Variants in HRCT1 observed in about 807,000 individuals in gnomAD.
HRCT1 encodes histidine-rich carboxyl terminus protein 1.
For missense variants in HRCT1, 185 were observed against 161.3 expected (o/e 1.15, Z -0.80); for synonymous variants, 76 against 69.0 (o/e 1.10, Z -0.50).
Position 35,906,608 on chromosome 9 carries a change from C to CACCCCT in HRCT1, c.321_322insACCCCT (p.His107_Arg108insThrPro), listed in dbSNP as rs1833105392. The CACCCCT allele has an allele frequency of 4.7e-6, 7 of 1,504,138 alleles. No individual in the cohort carries two copies. The highest frequency in any genetic ancestry group is 4.5e-6 in the Non-Finnish European group (5 of 1,121,370). The allele number at this position is 1,504,138 out of a possible 1,614,324, so 93.2% of individuals were successfully genotyped here. A position where few individuals can be genotyped will look rare whatever the true frequency, so the allele number is the denominator to read the frequency against. ...ACCTCCACCACCACCACCACCCCCA[C>CACCCCT]CGCCACCATCCCCGCCACGCTCGCT... On this transcript the variant is annotated inframe_insertion, in exon 1 of 1. Transcript: ENST00000354323.
rs79156963 is a variant in HRCT1, at chr9:35,906,586, TCCACCACCA to T, written c.308_316del (p.His103_His105del). 55 of 1,189,888 alleles carry T rather than the reference TCCACCACCA, an allele frequency of 4.6e-5. 1 individual carries two copies. Among genetic ancestry groups the T allele is most frequent in the Non-Finnish European group, 5.4e-5 (48 of 887,772 alleles). 73.7% of individuals were successfully genotyped at this position (1,189,888 alleles called of 1,614,324 possible). On this transcript the variant is annotated inframe_deletion, in exon 1 of 1. Coordinates refer to ENST00000354323, the MANE Select transcript of HRCT1 (RefSeq NM_001039792.2). ...CACCCCCGCCACACCCCTCACCACCTCCACCACCACCACCACCCCCACCGCCACCATCCC... is the reference window on the plus strand; with the variant it reads ...CACCCCCGCCACACCCCTCACCACCTCCACCACCCCCACCGCCACCATCCC...
At chr9:35,906,604 C>CCACCACCCCCACCG in the HRCT1 span, 2 of 1,154,920 alleles carry the variant, frequency 1.7e-6, no homozygotes, top group South Asian at 2.9e-5. Flanking sequence ...CACCACCACC[C>CCACCACCCCCACCG]CCACCGCCAC....
Position 35,906,598 on chromosome 9 carries a change from A to ACCACCCCCACCACCACCGCCACCC in HRCT1, c.322_323insACCACCGCCACCCCCACCCCCACC (p.His107_Arg108insHisHisArgHisProHisProHis). ...ACCCCTCACCACCTCCACCACCACC[A>ACCACCCCCACCACCACCGCCACCC]CCACCCCCACCGCCACCATCCCCGC... On this transcript the variant is annotated inframe_insertion, in exon 1 of 1. Coordinates refer to ENST00000354323, the MANE Select transcript of HRCT1 (RefSeq NM_001039792.2). 3 of 1,194,688 alleles carry ACCACCCCCACCACCACCGCCACCC rather than the reference A, an allele frequency of 2.5e-6. No homozygotes were observed. The highest frequency in any genetic ancestry group is 2.8e-5 in the South Asian group (2 of 70,618). 74.0% of individuals were successfully genotyped at this position (1,194,688 alleles called of 1,614,324 possible).
chr9:35,906,601 ACCC>A lies in HRCT1; in HGVS notation c.317_319del (p.Pro106del), dbSNP rs565823201. 4.9e-3 allele frequency: 5,272 copies of A among 1,074,856 alleles called. 55 individuals are homozygous for A. The highest frequency in any genetic ancestry group is 0.019 in the South Asian group (1,198 of 62,726). The allele number at this position is 1,074,856 out of a possible 1,614,324, so 66.6% of individuals were successfully genotyped here. ...CCTCACCACCTCCACCACCACCACC[ACCC>A]CCACCGCCACCATCCCCGCCACGCT... On this transcript the variant is annotated inframe_deletion, in exon 1 of 1. Transcript: ENST00000354323.
chr9:35,906,595 A>ACCACCCCCACCACCACCC lies in HRCT1; in HGVS notation c.313_314insCCCACCACCACCCCCACC (p.His104_His105insProHisHisHisProHis). 1 of 1,198,304 alleles carries ACCACCCCCACCACCACCC rather than the reference A, an allele frequency of 8.3e-7. No homozygotes were observed. The highest frequency in any genetic ancestry group is 1.1e-6 in the Non-Finnish European group (1 of 907,110). The allele number at this position is 1,198,304 out of a possible 1,614,324, so 74.2% of individuals were successfully genotyped here. On this transcript the variant is annotated inframe_insertion, in exon 1 of 1. Coordinates refer to ENST00000354323, the MANE Select transcript of HRCT1 (RefSeq NM_001039792.2). ...CACACCCCTCACCACCTCCACCACCACCACCACCCCCACCGCCACCATCCC... is the reference window on the plus strand; with the variant it reads ...CACACCCCTCACCACCTCCACCACCACCACCCCCACCACCACCCCCACCACCCCCACCGCCACCATCCC...
rs779067524 is a variant in HRCT1 at position 35,906,425 on chromosome 9, A to T, written c.138A>T (p.Thr46=). The part of the protein sequence containing the change: ...RQDCDVERNR[T]AAGGNRVRRA... ...ACTGTGACGTGGAGAGGAACCGTAC[A>T]GCTGCAGGGGGAAACCGAGTCCGCC... is the stretch of plus-strand genomic sequence containing the variant. Residue 46 remains threonine (T), a synonymous_variant, in exon 1 of 1, where the codon ACA becomes ACT. Transcript: ENST00000354323. The T allele has an allele frequency of 1.9e-6, 3 of 1,613,038 alleles. No individual in the cohort carries two copies. The highest frequency in any genetic ancestry group is 2.5e-6 in the Non-Finnish European group (3 of 1,179,986).
In HRCT1 at chr9:35,906,325, G is replaced by T; in HGVS notation, c.38G>T (p.Trp13Leu). ...GLLGSTALVG[W>L]ITGAAVAVLL... ...CTGGGGAGCACAGCCCTCGTGGGAT[G>T]GATCACAGGTGCTGCTGTGGCGGTC... Residue 13 changes from tryptophan to leucine, a missense_variant, in exon 1 of 1, where the codon TGG becomes TTG. By Grantham distance (61) the Trp-to-Leu change is moderately conservative. Coordinates refer to ENST00000354323, the MANE Select transcript of HRCT1 (RefSeq NM_001039792.2). 1 of 1,611,510 alleles carries T rather than the reference G, an allele frequency of 6.2e-7. No homozygotes were observed. Among genetic ancestry groups the T allele is most frequent in the Non-Finnish European group, 8.5e-7 (1 of 1,179,346 alleles).
Position 35,906,586 on chromosome 9 carries a change from T to TCCACCACCACCACCACCACCA in HRCT1, c.316_317insACCACCACCACCACCACCACC (p.His105_Pro106insHisHisHisHisHisHisHis), listed in dbSNP as rs79156963. 220 of 1,189,944 alleles carry TCCACCACCACCACCACCACCA rather than the reference T, an allele frequency of 1.8e-4. 1 individual carries two copies. In the South Asian group the frequency reaches 2.3e-3, roughly 12 times the overall value. 73.7% of individuals were successfully genotyped at this position (1,189,944 alleles called of 1,614,324 possible). A position where few individuals can be genotyped will look rare whatever the true frequency, so the allele number is the denominator to read the frequency against. ...CACCCCCGCCACACCCCTCACCACC[T>TCCACCACCACCACCACCACCA]CCACCACCACCACCACCCCCACCGC... is the stretch of plus-strand genomic sequence containing the variant. On this transcript the variant is annotated inframe_insertion, in exon 1 of 1. Transcript: ENST00000354323.
rs1554690924 is a variant in HRCT1 at position 35,906,604 on chromosome 9, C to CCCACCG, written c.323_328dup (p.Arg108_His109dup). 2.8e-5 allele frequency: 32 copies of CCCACCG among 1,157,698 alleles called. No homozygotes were observed. The highest frequency in any genetic ancestry group is 3.0e-4 in the Middle Eastern group (1 of 3,310). 71.7% of individuals were successfully genotyped at this position (1,157,698 alleles called of 1,614,324 possible). ...CACCACCTCCACCACCACCACCACC[C>CCCACCG]CCACCGCCACCATCCCCGCCACGCT... On this transcript the variant is annotated inframe_insertion, in exon 1 of 1. Transcript: ENST00000354323.
Position 35,907,000 on chromosome 9 carries a change from C to G in HRCT1, c.*365C>G. 1.6e-5 allele frequency: 5 copies of G among 320,132 alleles called. No homozygotes were observed. The highest frequency in any genetic ancestry group is 2.5e-5 in the Non-Finnish European group (4 of 162,098). 19.8% of individuals were successfully genotyped at this position (320,132 alleles called of 1,614,324 possible). ...GAAGTGCCCGTCTTGACCTCCTCAT[C>G]AGGCTGCTGCAGGCCTCTGGCGGGC... On this transcript the variant is annotated 3_prime_UTR_variant, in exon 1 of 1. Coordinates refer to ENST00000354323, the MANE Select transcript of HRCT1 (RefSeq NM_001039792.2).
Position 35,906,693 on chromosome 9 carries a change from A to C in HRCT1, c.*58A>C. 7.2e-7 allele frequency: 1 copy of C among 1,390,806 alleles called. No individual in the cohort carries two copies. The highest frequency in any genetic ancestry group is 9.6e-7 in the Non-Finnish European group (1 of 1,041,458). 86.2% of individuals were successfully genotyped at this position (1,390,806 alleles called of 1,614,324 possible). A position where few individuals can be genotyped will look rare whatever the true frequency, so the allele number is the denominator to read the frequency against. ...TGCCCCTGCCCTCCCATCTGTTCCC[A>C]GGACAAGTGGACCCCATGTTTCCAT... On this transcript the variant is annotated 3_prime_UTR_variant, in exon 1 of 1. Transcript: ENST00000354323.
rs79156963 is a variant in HRCT1 at position 35,906,586 on chromosome 9, T to TCCACCACCA, written c.308_316dup (p.His103_His105dup). ...CACCCCCGCCACACCCCTCACCACC[T>TCCACCACCA]CCACCACCACCACCACCCCCACCGC... On this transcript the variant is annotated inframe_insertion, in exon 1 of 1. Coordinates refer to ENST00000354323, the MANE Select transcript of HRCT1 (RefSeq NM_001039792.2). 711 of 1,189,398 alleles carry TCCACCACCA rather than the reference T, an allele frequency of 6.0e-4. 9 individuals are homozygous for TCCACCACCA. Among genetic ancestry groups the TCCACCACCA allele is most frequent in the South Asian group, 3.3e-3 (249 of 76,432 alleles). The allele number at this position is 1,189,398 out of a possible 1,614,324, so 73.7% of individuals were successfully genotyped here. A position where few individuals can be genotyped will look rare whatever the true frequency, so the allele number is the denominator to read the frequency against.
At position 35,906,943 on chromosome 9, in the gene HRCT1, T is replaced by A. The variant is rs2132462055; in HGVS notation, c.*308T>A. The A allele has an allele frequency of 1.3e-5, 6 of 449,126 alleles. No individual in the cohort carries two copies. The South Asian group carries it at 2.6e-4, about 19-fold the overall frequency. 27.8% of individuals were successfully genotyped at this position (449,126 alleles called of 1,614,324 possible). ...CAGTGAGCCCCAGAAATGACAAGCG[T>A]GTCTTGGCAGAGCCAGCACACAAGT... On this transcript the variant is annotated 3_prime_UTR_variant, in exon 1 of 1. Coordinates refer to ENST00000354323, the MANE Select transcript of HRCT1 (RefSeq NM_001039792.2).
rs1257979875 is a variant in HRCT1, at chr9:35,906,935, G to A, written c.*300G>A. The A allele has an allele frequency of 2.2e-6, 1 of 464,860 alleles. No homozygotes were observed. The allele number at this position is 464,860 out of a possible 1,614,324, so 28.8% of individuals were successfully genotyped here. A position where few individuals can be genotyped will look rare whatever the true frequency, so the allele number is the denominator to read the frequency against. ...GTGACTCCCAGTGAGCCCCAGAAATGACAAGCGTGTCTTGGCAGAGCCAGC... is the reference window on the plus strand; with the variant it reads ...GTGACTCCCAGTGAGCCCCAGAAATAACAAGCGTGTCTTGGCAGAGCCAGC... On this transcript the variant is annotated 3_prime_UTR_variant, in exon 1 of 1. Transcript: ENST00000354323.
chr9:35,906,431 A>G lies in HRCT1; in HGVS notation c.144A>G (p.Ala48=), dbSNP rs1180248672. Residue 48 remains alanine (A), a synonymous_variant, in exon 1 of 1, where the codon GCA becomes GCG. Transcript: ENST00000354323. ...ACGTGGAGAGGAACCGTACAGCTGC[A>G]GGGGGAAACCGAGTCCGCCGGGCCC... is the stretch of plus-strand genomic sequence containing the variant. ...DCDVERNRTA[A]GGNRVRRAQP... is the part of the protein sequence containing the mutation. The G allele has an allele frequency of 1.9e-6, 3 of 1,613,034 alleles. No homozygotes were observed. Among genetic ancestry groups the G allele is most frequent in the East Asian group, 2.2e-5 (1 of 44,880 alleles).
In HRCT1 at chr9:35,906,598, A is replaced by ACCC. The variant is rs1554690918; in HGVS notation, c.313_314insCCC (p.His104_His105insPro). On this transcript the variant is annotated inframe_insertion, in exon 1 of 1. Coordinates refer to ENST00000354323, the MANE Select transcript of HRCT1 (RefSeq NM_001039792.2). The stretch of plus-strand genomic sequence containing the variant: ...ACCCCTCACCACCTCCACCACCACC[A>ACCC]CCACCCCCACCGCCACCATCCCCGC... 1.1e-3 allele frequency: 1,269 copies of ACCC among 1,195,284 alleles called. 6 individuals carry two copies. The highest frequency in any genetic ancestry group is 2.0e-3 in the South Asian group (140 of 70,608). The allele number at this position is 1,195,284 out of a possible 1,614,324, so 74.0% of individuals were successfully genotyped here.
In HRCT1 at chr9:35,906,769, T is replaced by A; in HGVS notation, c.*134T>A. ...ACGAGGGGAACAATAGACTGGGGCT[T>A]GCTCCAGCTGCATTTGCATGGCATG... On this transcript the variant is annotated 3_prime_UTR_variant, in exon 1 of 1. Coordinates refer to ENST00000354323, the MANE Select transcript of HRCT1 (RefSeq NM_001039792.2). 8.0e-7 allele frequency: 1 copy of A among 1,256,536 alleles called. No homozygotes were observed. The highest frequency in any genetic ancestry group is 1.1e-6 in the Non-Finnish European group (1 of 913,020). 77.8% of individuals were successfully genotyped at this position (1,256,536 alleles called of 1,614,324 possible). A position where few individuals can be genotyped will look rare whatever the true frequency, so the allele number is the denominator to read the frequency against.
chr9:35,906,975 G>T lies in HRCT1; in HGVS notation c.*340G>T. ...GCAGAGCCAGCACACAAGTGGATGT[G>T]AAGTGCCCGTCTTGACCTCCTCATC... On this transcript the variant is annotated 3_prime_UTR_variant, in exon 1 of 1. Coordinates refer to ENST00000354323, the MANE Select transcript of HRCT1 (RefSeq NM_001039792.2). 2.5e-6 allele frequency: 1 copy of T among 397,836 alleles called. No homozygotes were observed. The highest frequency in any genetic ancestry group is 4.8e-6 in the Non-Finnish European group (1 of 207,746). 24.6% of individuals were successfully genotyped at this position (397,836 alleles called of 1,614,324 possible).
At position 35,906,559 on chromosome 9, in the gene HRCT1, A is replaced by G. The variant is rs758098668; in HGVS notation, c.272A>G (p.His91Arg). The G allele has an allele frequency of 7.3e-5, 109 of 1,499,424 alleles. No individual in the cohort carries two copies. The highest frequency in any genetic ancestry group is 9.5e-5 in the Non-Finnish European group (106 of 1,117,462). The allele number at this position is 1,499,424 out of a possible 1,614,324, so 92.9% of individuals were successfully genotyped here. Residue 91 changes from histidine (H) to arginine (R), a missense_variant, in exon 1 of 1, where the codon CAC becomes CGC. By Grantham distance (29) the His-to-Arg change is conservative. Coordinates refer to ENST00000354323, the MANE Select transcript of HRCT1 (RefSeq NM_001039792.2). ...HVPNVGLHHH[H>R]HPRHTPHHLH... ...CCGAATGTGGGCCTCCACCACCACC[A>G]CCACCCCCGCCACACCCCTCACCAC...
Sources: gnomAD v4.1 joint callset for allele counts on GRCh38, gnomAD v4.1.1 for gene constraint, MANE v1.5 for transcripts, NCBI Gene and HGNC (gene_info 2026-07-23, HGNC 2026-07-21) for gene names.